The following SURF4 variants were observed in gnomAD, a reference collection of about 807,000 sequenced individuals.
SURF4 encodes the protein surfeit locus protein 4.
Under a neutral mutation model 30.0 loss-of-function variants are expected in SURF4, and 3 were observed. The ratio of observed to expected loss-of-function variants is 0.10; its 90% CI spans 0.05 to 0.26. The LOEUF (loss-of-function observed/expected upper bound fraction) is 0.26. Among genes scored for constraint, SURF4 ranks in the 10% least tolerant of loss-of-function variants. SURF4 has a pLI of 1.00. For synonymous variants in SURF4, 143 were observed against 139.9 expected (o/e 1.02, Z -0.16); for missense variants, 217 against 350.8 (o/e 0.62, Z 3.05).
At chr9:133,373,849 C>T (rs1424461649) in intron 1 of SURF4, among the ~76,000 whole-genome samples, 2 of 122,026 alleles carry the variant, frequency 1.6e-5, no homozygotes, top group Non-Finnish European at 3.2e-5. Flanking sequence ...ATCCGGGAGG[C>T]GGGGGTTGCA....
At chr9:133,377,871 G>A (rs2130255806), upstream of SURF4, among the ~76,000 whole-genome samples, 1 of 152,252 alleles carries the variant, frequency 6.6e-6, no homozygotes, top group East Asian at 1.9e-4. Context: ...ATCAGTGGGA[G>A]CCCTGAGCTT....
chr9:133,363,839 C>G lies in SURF4; in HGVS notation c.544-80G>C, dbSNP rs2130094075. 5 of 1,548,594 alleles carry G rather than the reference C, an allele frequency of 3.2e-6. No individual in the cohort carries two copies. Among genetic ancestry groups the G allele is most frequent in the Middle Eastern group, 1.7e-4 (1 of 5,956 alleles). ...TTATAAACAAAAGTTCCAGCTGCTG[C>G]ACGTCATGAAGTCTCTATCCATCAG... On this transcript the variant is annotated intron_variant, in intron 5 of 5. Coordinates refer to ENST00000371989, the MANE Select transcript of SURF4 (RefSeq NM_033161.4). This position sits in a 1 kb window ranked among gnomAD's most constrained non-coding sequence, Gnocchi z 4.3.
chr9:133,376,566 G>C (rs2130249546), upstream of SURF4: 2 of 1,589,462 alleles, frequency 1.3e-6, no homozygotes, highest in Non-Finnish European at 1.7e-6. Context: ...ACCAGGTGCC[G>C]AGTGTTCCCT....
At chr9:133,376,212 A>AGCCACGCCC, upstream of SURF4, 1 of 1,279,916 alleles carries the variant, frequency 7.8e-7, no homozygotes, top group Non-Finnish European at 9.8e-7. Flanking sequence ...ATCCGCTCGA[A>AGCCACGCCC]GCCACGCCCG....
At chr9:133,372,805 G>C (rs929020146) in intron 1 of SURF4, among the ~76,000 whole-genome samples, 1 of 152,168 alleles carries the variant, frequency 6.6e-6, no homozygotes, top group Non-Finnish European at 1.5e-5. Flanking sequence ...AGCCCCACCT[G>C]GGCTTGGTCA....
chr9:133,366,729 A>G, intron 2 of SURF4, 54 bp from the exon 3 acceptor site: 1 of 1,560,822 alleles, frequency 6.4e-7, no homozygotes, highest in Admixed American at 1.7e-5. Context: ...GGCGGGGAGC[A>G]CTGTCTTGAT....
At chr9:133,376,303 A>T, upstream of SURF4, 4 of 1,339,964 alleles carry the variant, frequency 3.0e-6, no homozygotes, top group Non-Finnish European at 3.8e-6. Flanking sequence ...GCCCGGCGGA[A>T]CGCGTCCCTT....
intron 1 of SURF4, chr9:133,372,719 C>A: frequency 7.2e-6 from 6 of 830,116 alleles, no homozygotes; most frequent in Non-Finnish European, 8.7e-6. Flanking sequence ...AATCCTCTAT[C>A]GGCTTCAAAT....
Position 133,373,983 on chromosome 9 carries a change from T to C in SURF4, c.48+1939A>G, listed in dbSNP as rs2130218559. On this transcript the variant is annotated intron_variant, in intron 1 of 5. Transcript: ENST00000371989. ...GACACTGGGAACTTTTTTTTGTCAA[T>C]AGGGGAGTCTGTCATTTGCTAGTGG... Among the ~76,000 whole-genome samples the C allele has an allele frequency of 5.1e-5, 7 of 138,016 alleles. No individual in the cohort carries two copies. In the South Asian group the frequency reaches 9.2e-4, roughly 18 times the overall value. The allele number at this position is 138,016 out of a possible 152,430, so 90.5% of individuals were successfully genotyped here. A position where few individuals can be genotyped will look rare whatever the true frequency, so the allele number is the denominator to read the frequency against.
At chr9:133,371,150 GAA>G in intron 1 of SURF4, 1 of 985,230 alleles carries the variant, frequency 1.0e-6, no homozygotes, top group Non-Finnish European at 1.2e-6. Flanking sequence ...ACTCAGGACA[GAA>G]AGAAATTGAG....
intron 5 of SURF4, among the ~76,000 whole-genome samples, chr9:133,364,465 C>G (rs1484552824): frequency 2.0e-5 from 3 of 152,112 alleles, no homozygotes; most frequent in African/African-American, 7.2e-5. Context: ...CTGAGACAGG[C>G]AGATCACGAG....
At chr9:133,373,930 AAAAAAG>A (rs1178157515) in intron 1 of SURF4, among the ~76,000 whole-genome samples, 6 of 149,408 alleles carry the variant, frequency 4.0e-5, no homozygotes, top group African/African-American at 1.3e-4. Context: ...AAAAAAAAAA[AAAAAAG>A]AAGAAGAAAA....
intron 1 of SURF4, 47 bp downstream of exon 1, chr9:133,375,875 C>T: frequency 8.2e-7 from 1 of 1,216,484 alleles, no homozygotes; most frequent in Middle Eastern, 3.2e-4. Context: ...GCGGCCCGGG[C>T]GGCCTGGGTC....
At chr9:133,371,402 T>C (rs144916724) in intron 1 of SURF4, among the ~76,000 whole-genome samples, 2 of 152,280 alleles carry the variant, frequency 1.3e-5, no homozygotes, top group Non-Finnish European at 2.9e-5. Flanking sequence ...TGCTGCTCTA[T>C]AGGTTCACAC....
intron 1 of SURF4, among the ~76,000 whole-genome samples, chr9:133,375,668 G>C (rs1431765462): frequency 6.6e-6 from 1 of 152,132 alleles, no homozygotes; most frequent in Non-Finnish European, 1.5e-5. Context: ...GCTGGAGGGT[G>C]GGGGCGGCTA....
At chr9:133,367,562 CTT>C in intron 1 of SURF4, 117 bp from the exon 2 acceptor site, 3 of 1,555,104 alleles carry the variant, frequency 1.9e-6, no homozygotes, top group Non-Finnish European at 2.6e-6. Flanking sequence ...GGCAAGAGCT[CTT>C]GTCAGCCCCG....
At chr9:133,370,180 T>G (rs1360856059) in intron 1 of SURF4, among the ~76,000 whole-genome samples, 1 of 152,126 alleles carries the variant, frequency 6.6e-6, no homozygotes, top group East Asian at 1.9e-4. Context: ...TGTTTAAAAG[T>G]CTCTTTGAAT....
chr9:133,361,871 G>T lies in SURF4; in HGVS notation c.*1622C>A, dbSNP rs1423087468. The T allele has an allele frequency of 6.6e-6, 1 of 152,248 alleles. No homozygotes were observed. Among genetic ancestry groups the T allele is most frequent in the African/African-American group, 2.4e-5 (1 of 41,430 alleles). 9.4% of individuals were successfully genotyped at this position (152,248 alleles called of 1,614,324 possible). On this transcript the variant is annotated 3_prime_UTR_variant, in exon 6 of 6. Transcript: ENST00000371989. ...GGCTGTCATACGGCACTAACAGGGA[G>T]CGAGGTGTGGACCAAGAGACAGCCC...
intron 2 of SURF4, 114 bp downstream of exon 2, chr9:133,367,145 A>ATG: frequency 1.5e-6 from 2 of 1,324,974 alleles, no homozygotes; most frequent in Non-Finnish European, 1.0e-6. Context: ...GAAGAGGGGA[A>ATG]TGGAGGGGGG....
Sources: gnomAD v4.1 joint callset for allele counts (sites outside exome capture counted in the v4.1 genomes callset) on GRCh38, gnomAD v4.1.1 for gene constraint, Gnocchi (gnomAD v3.1) non-coding constraint, MANE v1.5 for transcripts, NCBI Gene and HGNC (gene_info 2026-07-23, HGNC 2026-07-21) for gene names.